Variants in CDKN2B-AS1 observed in about 807,000 individuals in gnomAD.
The protein encoded by CDKN2B-AS1 is CDKN2B antisense RNA 1 (non-protein coding).
At chr9:22,009,240 C>T (rs1418381343) in intron 1 of CDKN2B-AS1, 1 of 559,030 alleles carries the variant, frequency 1.8e-6, no homozygotes, top group Admixed American at 3.2e-5. Context: ...GAGCTCAAAG[C>T]CGCTCTGGCC....
chr9:22,081,033 A>G (rs1238780866), intron 4 of CDKN2B-AS1, among the ~76,000 whole-genome samples: 1 of 152,240 alleles, frequency 6.6e-6, no homozygotes, highest in Non-Finnish European at 1.5e-5. Context: ...ACCCTTGTTC[A>G]TACTGCAGTA....
chr9:22,072,174 G>A (rs1824322000), intron 4 of CDKN2B-AS1, among the ~76,000 whole-genome samples: 1 of 152,144 alleles, frequency 6.6e-6, no homozygotes, highest in Non-Finnish European at 1.5e-5. Flanking sequence ...CCCATTTAGA[G>A]TACTTGCCTC....
intron 1 of CDKN2B-AS1, among the ~76,000 whole-genome samples, chr9:22,044,053 G>A (rs1016264275): frequency 1.3e-5 from 2 of 151,946 alleles, no homozygotes; most frequent in Non-Finnish European, 2.9e-5. Context: ...ACAAATTTTA[G>A]CCATGAGTAT....
chr9:22,049,096 G>T (rs1431603949), intron 2 of CDKN2B-AS1: 2 of 152,130 alleles, frequency 1.3e-5, no homozygotes, highest in Non-Finnish European at 2.9e-5. Context: ...ACACTATGTG[G>T]TTCTTCTAGG....
At chr9:22,057,790 G>C (rs1015783009) in intron 4 of CDKN2B-AS1, among the ~76,000 whole-genome samples, 10 of 151,480 alleles carry the variant, frequency 6.6e-5, no homozygotes, top group Non-Finnish European at 1.5e-4. Flanking sequence ...CTGGGCGATA[G>C]AGTGAGACCC....
chr9:22,011,378 G>A (rs184733980), intron 1 of CDKN2B-AS1, among the ~76,000 whole-genome samples: 13 of 152,282 alleles, frequency 8.5e-5, no homozygotes, highest in Non-Finnish European at 1.2e-4. Flanking sequence ...TGTGTACTCT[G>A]TACGAAGTGC....
At chr9:22,015,306 C>A (rs1052924608) in intron 1 of CDKN2B-AS1, among the ~76,000 whole-genome samples, 2 of 152,032 alleles carry the variant, frequency 1.3e-5, no homozygotes, top group African/African-American at 4.8e-5. Context: ...TTTCTAGACT[C>A]TTTATTAAGA....
At chr9:22,108,795 T>C (rs1825727413) in intron 4 of CDKN2B-AS1, among the ~76,000 whole-genome samples, 1 of 152,184 alleles carries the variant, frequency 6.6e-6, no homozygotes, top group Non-Finnish European at 1.5e-5. Flanking sequence ...CTTTCTTGTT[T>C]TGGACTACTA....
At chr9:22,012,407 C>T in intron 1 of CDKN2B-AS1, 2 of 795,830 alleles carry the variant, frequency 2.5e-6, no homozygotes, top group Non-Finnish European at 4.5e-6. Flanking sequence ...ACTCTTCCAG[C>T]TCACCTAGAA....
intron 1 of CDKN2B-AS1, chr9:22,033,124 A>G (rs1822544986): frequency 6.6e-6 from 1 of 152,128 alleles, no homozygotes; most frequent in South Asian, 2.1e-4. Context: ...AATCTAACTA[A>G]TGGCTGATGA....
At chr9:22,017,118 G>A (rs1002580799) in intron 1 of CDKN2B-AS1, among the ~76,000 whole-genome samples, 4 of 152,006 alleles carry the variant, frequency 2.6e-5, no homozygotes, top group Admixed American at 2.6e-4. Flanking sequence ...ATTTTTAGTG[G>A]GAAATGGCAT....
chr9:22,046,649 A>G (rs1823121348), intron 1 of CDKN2B-AS1: 1 of 152,184 alleles, frequency 6.6e-6, no homozygotes, highest in African/African-American at 2.4e-5. Flanking sequence ...CCAAGGTGAT[A>G]AAAGTGTTTA....
chr9:22,008,478 A>C (rs1042974051), intron 1 of CDKN2B-AS1, among the ~76,000 whole-genome samples: 9 of 152,212 alleles, frequency 5.9e-5, no homozygotes, highest in Admixed American at 5.9e-4. Context: ...CGTTGAAAGC[A>C]GACAGACAAG....
intron 4 of CDKN2B-AS1, among the ~76,000 whole-genome samples, chr9:22,072,438 A>C (rs558779389): frequency 6.6e-6 from 1 of 152,158 alleles, no homozygotes; most frequent in Admixed American, 6.5e-5. Context: ...ACAGACAGAG[A>C]CACTAGTTAT....
chr9:22,049,382 C>T (rs1290377654), intron 3 of CDKN2B-AS1, among the ~76,000 whole-genome samples: 4 of 152,200 alleles, frequency 2.6e-5, no homozygotes, highest in Non-Finnish European at 5.9e-5. Context: ...AAACACAAGC[C>T]TCTGTGACAT....
At chr9:22,033,716 C>A (rs1041644796) in intron 1 of CDKN2B-AS1, among the ~76,000 whole-genome samples, 1 of 152,178 alleles carries the variant, frequency 6.6e-6, no homozygotes, top group Admixed American at 6.5e-5. Flanking sequence ...CTTGCTCCAA[C>A]AATTAACACC....
chr9:22,011,572 GT>G (rs984228594), intron 1 of CDKN2B-AS1, among the ~76,000 whole-genome samples: 2 of 151,878 alleles, frequency 1.3e-5, no homozygotes, highest in Non-Finnish European at 2.9e-5. Context: ...ACTACATAGT[GT>G]TTTTTTTAGC....
At chr9:22,104,725 T>G (rs374449638) in intron 4 of CDKN2B-AS1, among the ~76,000 whole-genome samples, 1 of 152,256 alleles carries the variant, frequency 6.6e-6, no homozygotes, top group South Asian at 2.1e-4. Flanking sequence ...ATAAAAATTG[T>G]GTTTTGCATA....
chr9:22,012,978 T>C (rs1408776514), intron 1 of CDKN2B-AS1, among the ~76,000 whole-genome samples: 1 of 152,256 alleles, frequency 6.6e-6, no homozygotes, highest in Non-Finnish European at 1.5e-5. Context: ...TACCACAGAC[T>C]GAGTAGCTTA....
Sources: allele counts gnomAD v4.1 joint callset (sites outside exome capture counted in the v4.1 genomes callset), GRCh38; gene constraint gnomAD v4.1.1; transcripts MANE v1.5; gene names NCBI Gene and HGNC (gene_info 2026-07-23, HGNC 2026-07-21).